Variants in FYCO1 observed in about 807,000 individuals in gnomAD.
FYCO1 encodes the protein FYVE and coiled-coil domain-containing protein 1.
In FYCO1, 122 loss-of-function variants were observed where a neutral mutation model predicts 165.1. That is an observed-to-expected ratio of 0.74 (90% CI 0.64 to 0.86). The LOEUF (loss-of-function observed/expected upper bound fraction) is 0.86. FYCO1 is among the 40% of genes least tolerant of loss of function. FYCO1 has a pLI of 0.00. For missense variants in FYCO1, 1,702 were observed against 1,810.3 expected (o/e 0.94, Z 1.09); for synonymous variants, 648 against 742.5 (o/e 0.87, Z 2.07).
intron 13 of FYCO1, among the ~76,000 whole-genome samples, chr3:45,956,544 C>T (rs1705341189): frequency 1.3e-5 from 2 of 151,508 alleles, no homozygotes; most frequent in Non-Finnish European, 2.9e-5. Context: ...ACCACTAAGG[C>T]AGGCCCTGCT....
chr3:45,963,429 A>G (rs1467086126), intron 10 of FYCO1, among the ~76,000 whole-genome samples: 1 of 152,240 alleles, frequency 6.6e-6, no homozygotes, highest in African/African-American at 2.4e-5. Flanking sequence ...GTAGGATCTG[A>G]ACACTAGAAG....
At position 45,958,628 on chromosome 3, in the gene FYCO1, A is replaced by T. The variant is rs777248934; in HGVS notation, c.3588-9T>A. The stretch of plus-strand genomic sequence containing the variant: ...AGATGCGGCCACATATCCTGGGAAC[A>T]AAACAAGCCCAGGCTGTGAGGATGA... On this transcript the variant is annotated splice_polypyrimidine_tract_variant and intron_variant, in intron 12 of 17. Coordinates refer to ENST00000296137, the MANE Select transcript of FYCO1 (RefSeq NM_024513.4). 6.2e-7 allele frequency: 1 copy of T among 1,613,738 alleles called. No homozygotes were observed. The highest frequency in any genetic ancestry group is 8.5e-7 in the Non-Finnish European group (1 of 1,179,588).
intron 14 of FYCO1, chr3:45,946,924 G>T (rs775601713): frequency 6.2e-7 from 1 of 1,614,116 alleles, no homozygotes; most frequent in Admixed American, 1.7e-5. Flanking sequence ...ATGACCTGGG[G>T]CAAGGTCACC....
In FYCO1 at chr3:45,968,581, C is replaced by T; in HGVS notation, c.753G>A (p.Glu251=). The T allele has an allele frequency of 2.5e-6, 4 of 1,613,996 alleles. No homozygotes were observed. Among genetic ancestry groups the T allele is most frequent in the Non-Finnish European group, 2.5e-6 (3 of 1,179,988 alleles). The part of the protein sequence containing the change: ...QLEVREKQLR[E]RMQQLDRENQ... ...TCTCTCTGTCCAGCTGCTGCATGCG[C>T]TCCCGTAGCTGCTTCTCCCGCACCT... Residue 251 remains glutamate (E), a synonymous_variant, in exon 8 of 18, where the codon GAG becomes GAA. Transcript: ENST00000296137.
chr3:45,940,556 AAG>A (rs1213548008), intron 14 of FYCO1, among the ~76,000 whole-genome samples: 3 of 152,182 alleles, frequency 2.0e-5, no homozygotes, highest in Non-Finnish European at 4.4e-5. Flanking sequence ...GCTCCAAGGG[AAG>A]AGTCGGGGGA....
intron 14 of FYCO1, chr3:45,946,818 T>C (rs1704643180): frequency 6.2e-7 from 1 of 1,614,188 alleles, no homozygotes; most frequent in East Asian, 2.2e-5. Context: ...CACTATTAAC[T>C]TCTACACGTC....
chr3:45,989,222 C>A (rs1707457717), intron 1 of FYCO1, among the ~76,000 whole-genome samples: 1 of 152,180 alleles, frequency 6.6e-6, no homozygotes, highest in Non-Finnish European at 1.5e-5. Context: ...AGGAGCCTAC[C>A]AGTTGTAAAG....
rs1703079652 is a variant in FYCO1 at position 45,921,255 on chromosome 3, T to C, written c.*510A>G. ...CTCCGGGGGGTCCCCTGGCACCGAC[T>C]CGCATGATGGCTGTGTACCTCCTTT... On this transcript the variant is annotated 3_prime_UTR_variant, in exon 18 of 18. Coordinates refer to ENST00000296137, the MANE Select transcript of FYCO1 (RefSeq NM_024513.4). 4.7e-6 allele frequency: 1 copy of C among 210,584 alleles called. No homozygotes were observed. The highest frequency in any genetic ancestry group is 9.7e-6 in the Non-Finnish European group (1 of 103,370). The allele number at this position is 210,584 out of a possible 1,614,324, so 13.0% of individuals were successfully genotyped here. A position where few individuals can be genotyped will look rare whatever the true frequency, so the allele number is the denominator to read the frequency against.
chr3:45,931,006 G>T, intron 16 of FYCO1, 65 bp downstream of exon 16: 3 of 1,494,212 alleles, frequency 2.0e-6, no homozygotes, highest in East Asian at 2.3e-5. Context: ...CCTGCTTTGA[G>T]AAAGGCCTGC....
chr3:45,973,155 T>G lies in FYCO1; in HGVS notation c.472A>C (p.Thr158Pro), dbSNP rs1227932059. The G allele has an allele frequency of 3.1e-6, 5 of 1,614,228 alleles. No individual in the cohort carries two copies. Among genetic ancestry groups the G allele is most frequent in the Non-Finnish European group, 8.5e-7 (1 of 1,180,030 alleles). The part of the protein sequence containing the change: ...SDIVGQLYEL[T>P]EVQFDLASRG... Reference sequence around the variant, plus strand: ...GACGCCAGGTCAAACTGAACCTCAGTCAGCTCATAGAGTTGGCCCACAATG... The same window carrying G: ...GACGCCAGGTCAAACTGAACCTCAGGCAGCTCATAGAGTTGGCCCACAATG... Residue 158 changes from threonine to proline, a missense_variant, in exon 6 of 18, where the codon ACT (threonine) becomes CCT (proline). By Grantham distance (38) the Thr-to-Pro change is conservative (BLOSUM62 -1). Transcript: ENST00000296137.
At chr3:45,933,769 A>G (rs1033074849) in intron 15 of FYCO1, among the ~76,000 whole-genome samples, 9 of 152,174 alleles carry the variant, frequency 5.9e-5, no homozygotes, top group Admixed American at 2.0e-4. Context: ...GGAAAATCAC[A>G]GTGTGCATGA....
rs372044236 is a variant in FYCO1, at chr3:45,968,286, C to T, written c.1048G>A (p.Glu350Lys). 7.4e-6 allele frequency: 12 copies of T among 1,613,852 alleles called. No individual in the cohort carries two copies. Among genetic ancestry groups the T allele is most frequent in the South Asian group, 1.1e-5 (1 of 91,084 alleles). The change falls in exon 8 of 18, where the codon GAG (glutamate) becomes AAG (lysine). Residue 350 changes from glutamate (E) to lysine (K), a missense_variant. By Grantham distance (56) the Glu-to-Lys change is moderately conservative. Transcript: ENST00000296137. ...AGTGAGTCCCGTGTGGCCTCAAGCTCCTGTGCCAAGGGCTGCAGCATGGAC... is the reference window on the plus strand; with the variant it reads ...AGTGAGTCCCGTGTGGCCTCAAGCTTCTGTGCCAAGGGCTGCAGCATGGAC... Reference protein sequence around the residue: ...LESMLQPLAQELEATRDSLDK... With the variant: ...LESMLQPLAQKLEATRDSLDK...
chr3:45,951,455 G>A (rs147621678), intron 14 of FYCO1, among the ~76,000 whole-genome samples: 469 of 152,336 alleles, frequency 3.1e-3, no homozygotes, highest in African/African-American at 0.011. Flanking sequence ...GGTAGCTAGA[G>A]GGGGAGGCCG....
Position 45,962,412 on chromosome 3 carries a change from T to C in FYCO1, c.3270-20A>G, listed in dbSNP as rs1239079050. On this transcript the variant is annotated intron_variant, in intron 10 of 17. Transcript: ENST00000296137. The surrounding 1 kb of genome is among the most constrained non-coding windows in gnomAD (Gnocchi z 4.4). The stretch of plus-strand genomic sequence containing the variant: ...TGGGTCCTGGGGGAGGAGTGGTAAG[T>C]TTTCTTGATTAGCCAGGACTTCCAG... The C allele has an allele frequency of 6.2e-7, 1 of 1,613,024 alleles. No homozygotes were observed. The highest frequency in any genetic ancestry group is 2.2e-5 in the East Asian group (1 of 44,864).
intron 11 of FYCO1, 81 bp from the exon 12 acceptor site, chr3:45,959,623 G>A (rs892331366): frequency 2.8e-6 from 4 of 1,436,980 alleles, no homozygotes; most frequent in Admixed American, 1.8e-5. Flanking sequence ...TCAAAAGACT[G>A]GTATCAAATT....
At chr3:45,986,274 T>C (rs773791919) in intron 1 of FYCO1, among the ~76,000 whole-genome samples, 1 of 152,124 alleles carries the variant, frequency 6.6e-6, no homozygotes, top group Non-Finnish European at 1.5e-5. Flanking sequence ...TTCCACCGGC[T>C]CGAGGTACTA....
At chr3:45,951,158 T>G (rs1022337307) in intron 14 of FYCO1, among the ~76,000 whole-genome samples, 12 of 152,140 alleles carry the variant, frequency 7.9e-5, no homozygotes, top group Admixed American at 7.2e-4. Flanking sequence ...GTGGTAGCAG[T>G]AGCACACACA....
intron 14 of FYCO1, chr3:45,947,530 A>T: frequency 6.3e-7 from 1 of 1,598,962 alleles, no homozygotes; most frequent in East Asian, 2.2e-5. Context: ...GGGTTTCGAG[A>T]AGCTGCTCTG....
rs1274925377 is a variant in FYCO1, at chr3:45,968,567, A to T, written c.767T>A (p.Leu256Gln). Residue 256 changes from leucine to glutamine, a missense_variant, in exon 8 of 18, where the codon CTG becomes CAG. Physicochemically the swap from Leu to Gln is moderately radical, Grantham distance 113. Coordinates refer to ENST00000296137, the MANE Select transcript of FYCO1 (RefSeq NM_024513.4). Reference sequence around the variant, plus strand: ...CCTCAGCTCCTGGTTCTCTCTGTCCAGCTGCTGCATGCGCTCCCGTAGCTG... The same window carrying T: ...CCTCAGCTCCTGGTTCTCTCTGTCCTGCTGCTGCATGCGCTCCCGTAGCTG... ...EKQLRERMQQ[L>Q]DRENQELRAA... The T allele has an allele frequency of 6.2e-7, 1 of 1,613,928 alleles. No individual in the cohort carries two copies. Among genetic ancestry groups the T allele is most frequent in the South Asian group, 1.1e-5 (1 of 91,082 alleles).
Sources: gnomAD v4.1 joint callset for allele counts (sites outside exome capture counted in the v4.1 genomes callset) on GRCh38, gnomAD v4.1.1 for gene constraint, Gnocchi (gnomAD v3.1) non-coding constraint, MANE v1.5 for transcripts, NCBI Gene and HGNC (gene_info 2026-07-23, HGNC 2026-07-21) for gene names.